The following D2HGDH variants were observed in gnomAD, a reference collection of about 807,000 sequenced individuals.
The protein encoded by D2HGDH is D-2-hydroxyglutarate dehydrogenase, mitochondrial.
In D2HGDH, 31 loss-of-function variants were observed where a neutral mutation model predicts 46.9. The observed-to-expected ratio is 0.66, with a 90% CI of 0.50 to 0.89. The LOEUF (loss-of-function observed/expected upper bound fraction) is 0.89, where lower values mean the gene tolerates loss of function less well. Among genes scored for constraint, D2HGDH ranks in the 40% least tolerant of loss-of-function variants. The pLI is 0.00. For missense variants in D2HGDH, 698 were observed against 720.8 expected (o/e 0.97, Z 0.36); for synonymous variants, 364 against 332.6 (o/e 1.09, Z -1.03).
chr2:241,752,135 C>T (rs760573606), intron 8 of D2HGDH, among the ~76,000 whole-genome samples: 52 of 152,188 alleles, frequency 3.4e-4, no homozygotes, highest in Non-Finnish European at 6.2e-4. Context: ...ACTTTACTCC[C>T]GCTTAGTTGA....
intron 2 of D2HGDH, among the ~76,000 whole-genome samples, chr2:241,738,825 A>C (rs1693642431): frequency 6.6e-6 from 1 of 152,174 alleles, no homozygotes; most frequent in Admixed American, 6.5e-5. Context: ...GTTTGAGTCC[A>C]CAGGTTTGGT....
chr2:241,742,309 C>A lies in D2HGDH; in HGVS notation c.351-126C>A. The A allele has an allele frequency of 7.6e-7, 1 of 1,317,354 alleles. No homozygotes were observed. Among genetic ancestry groups the A allele is most frequent in the Non-Finnish European group, 1.0e-6 (1 of 965,006 alleles). The allele number at this position is 1,317,354 out of a possible 1,614,324, so 81.6% of individuals were successfully genotyped here. On this transcript the variant is annotated intron_variant, in intron 3 of 9. Coordinates refer to ENST00000321264, the MANE Select transcript of D2HGDH (RefSeq NM_152783.5). The surrounding 1 kb of genome is among the most constrained non-coding windows in gnomAD (Gnocchi z 4.8). ...TGCGTGGGCTGGGGAGGAGCCCCCG[C>A]TGAGGCTGCAGGCAGGGCAGGGTAA...
intron 8 of D2HGDH, 27 bp from the exon 9 acceptor site, chr2:241,755,822 C>A: frequency 6.2e-7 from 1 of 1,610,852 alleles, no homozygotes; most frequent in South Asian, 1.1e-5. Flanking sequence ...ATAGCCAGCC[C>A]TTGTCTCATC....
chr2:241,756,208 A>T (rs1321628030), intron 9 of D2HGDH, among the ~76,000 whole-genome samples, 194 bp downstream of exon 9: 1 of 152,238 alleles, frequency 6.6e-6, no homozygotes, highest in Non-Finnish European at 1.5e-5. Context: ...ACTCGTTTTG[A>T]GTATTTTGGA....
At chr2:241,750,402 C>T (rs1422932630) in intron 7 of D2HGDH, 108 bp downstream of exon 7, 11 of 168,502 alleles carry the variant, frequency 6.5e-5, no homozygotes, top group East Asian at 2.1e-4. Flanking sequence ...CCCGGGCGGG[C>T]GGGTGGGGGG....
intron 5 of D2HGDH, 147 bp from the exon 6 acceptor site, chr2:241,744,562 G>C: frequency 3.0e-6 from 3 of 991,416 alleles, no homozygotes; most frequent in Non-Finnish European, 4.6e-6. Context: ...TGTGTGTGGA[G>C]GGTGTCACTC....
At chr2:241,740,859 C>T (rs965835215) in intron 2 of D2HGDH, among the ~76,000 whole-genome samples, 174 bp from the exon 3 acceptor site, 28 of 152,064 alleles carry the variant, frequency 1.8e-4, no homozygotes, top group Non-Finnish European at 2.9e-5. Flanking sequence ...GCAGGAGAAT[C>T]GCTTGAACCT....
At chr2:241,755,353 G>A (rs1353139764) in intron 8 of D2HGDH, 1 of 1,303,890 alleles carries the variant, frequency 7.7e-7, no homozygotes, top group Non-Finnish European at 1.0e-6. Flanking sequence ...CACTGCCTGT[G>A]TGACTCTGCG....
At chr2:241,750,050 C>G in intron 6 of D2HGDH, 101 bp from the exon 7 acceptor site, 2 of 1,577,352 alleles carry the variant, frequency 1.3e-6, no homozygotes, top group East Asian at 2.2e-5. Flanking sequence ...GCCCAGCTCA[C>G]CCACCCACAT....
At position 241,744,876 on chromosome 2, in the gene D2HGDH, C is replaced by T. The variant is rs757098685; in HGVS notation, c.852C>T (p.Leu284=). 5.5e-5 allele frequency: 89 copies of T among 1,613,964 alleles called. No individual in the cohort carries two copies. Among genetic ancestry groups the T allele is most frequent in the Non-Finnish European group, 6.7e-5 (79 of 1,179,968 alleles). Residue 284 remains leucine (L), a splice_region_variant and synonymous_variant, in exon 6 of 10, where the codon CTC becomes CTT. Transcript: ENST00000321264. ...PKPRAVNVAF[L]GCPGFAEVLQ... is the part of the protein sequence containing the mutation. ...CCAGGGCTGTGAACGTGGCTTTCCTCGGTGGGCTTCCTCGATGTGTGCCTT... is the reference window on the plus strand; with the variant it reads ...CCAGGGCTGTGAACGTGGCTTTCCTTGGTGGGCTTCCTCGATGTGTGCCTT...
At chr2:241,753,607 T>C (rs1334982715) in intron 8 of D2HGDH, among the ~76,000 whole-genome samples, 1 of 152,302 alleles carries the variant, frequency 6.6e-6, no homozygotes, top group East Asian at 1.9e-4. Context: ...GGGGGCCCTG[T>C]GTTCAACGGG....
At chr2:241,752,490 C>T (rs1475717467) in intron 8 of D2HGDH, among the ~76,000 whole-genome samples, 1 of 152,246 alleles carries the variant, frequency 6.6e-6, no homozygotes. Flanking sequence ...AGGGACCACA[C>T]GAACAGAGGC....
At position 241,735,169 on chromosome 2, in the gene D2HGDH, G is replaced by T; in HGVS notation, c.-56G>T. 6.9e-7 allele frequency: 1 copy of T among 1,446,332 alleles called. No individual in the cohort carries two copies. The highest frequency in any genetic ancestry group is 9.0e-7 in the Non-Finnish European group (1 of 1,110,790). The allele number at this position is 1,446,332 out of a possible 1,614,324, so 89.6% of individuals were successfully genotyped here. On this transcript the variant is annotated 5_prime_UTR_variant, in exon 2 of 10. Coordinates refer to ENST00000321264, the MANE Select transcript of D2HGDH (RefSeq NM_152783.5). ...GCGGCTCCCTGCCCTTCCCCTCCGG[G>T]CCCTGAGTACCGGCCCCCCACCAAG...
intron 9 of D2HGDH, among the ~76,000 whole-genome samples, chr2:241,761,588 A>G (rs756225390): frequency 2.0e-5 from 3 of 152,212 alleles, no homozygotes; most frequent in Admixed American, 1.3e-4. Context: ...TGCAAATCCT[A>G]TGCCATTTCC....
intron 6 of D2HGDH, 89 bp from the exon 7 acceptor site, chr2:241,750,062 A>G (rs898030806): frequency 1.3e-6 from 2 of 1,598,684 alleles, no homozygotes; most frequent in Admixed American, 1.7e-5. Context: ...CACCCACATG[A>G]GTCGGGCTGA....
intron 6 of D2HGDH, chr2:241,749,307 C>G: frequency 7.8e-7 from 1 of 1,288,540 alleles, no homozygotes; most frequent in Non-Finnish European, 1.0e-6. Context: ...AGGTGTCTGC[C>G]CCCAGCCTCT....
intron 6 of D2HGDH, among the ~76,000 whole-genome samples, chr2:241,746,116 C>G (rs953020027): frequency 6.6e-6 from 1 of 152,162 alleles, no homozygotes; most frequent in Non-Finnish European, 1.5e-5. Context: ...AATTCTTAGC[C>G]ATTATTGCTT....
intron 9 of D2HGDH, among the ~76,000 whole-genome samples, chr2:241,761,892 T>C (rs1698857353): frequency 6.6e-6 from 1 of 152,060 alleles, no homozygotes; most frequent in African/African-American, 2.4e-5. Flanking sequence ...TAAAAATGTC[T>C]TTTCCTCAGT....
intron 9 of D2HGDH, among the ~76,000 whole-genome samples, chr2:241,761,399 C>G (rs960381544): frequency 7.2e-5 from 11 of 152,048 alleles, no homozygotes; most frequent in African/African-American, 1.2e-4. Flanking sequence ...ATTAGCCAGG[C>G]ATGGTGGCGT....
Sources: gnomAD v4.1 joint callset for allele counts (sites outside exome capture counted in the v4.1 genomes callset) on GRCh38, gnomAD v4.1.1 for gene constraint, Gnocchi (gnomAD v3.1) non-coding constraint, MANE v1.5 for transcripts, NCBI Gene and HGNC (gene_info 2026-07-23, HGNC 2026-07-21) for gene names.